Variants in KANSL1L observed in about 807,000 individuals in gnomAD.
The protein encoded by KANSL1L is KAT8 regulatory NSL complex subunit 1 like.
Under a neutral mutation model 108.6 loss-of-function variants are expected in KANSL1L, and 25 were observed. The observed-to-expected ratio is 0.23, with a 90% confidence interval of 0.17 to 0.32. The LOEUF (loss-of-function observed/expected upper bound fraction) is 0.32. KANSL1L is among the 10% of genes least tolerant of loss of function. The probability of loss-of-function intolerance (pLI) is 1.00; values close to 1 mark genes in which losing one functional copy is unlikely to be tolerated. For missense variants in KANSL1L, 1,137 were observed against 1,125.7 expected (o/e 1.01, Z -0.14); for synonymous variants, 405 against 395.1 (o/e 1.03, Z -0.30).
intron 5 of KANSL1L, among the ~76,000 whole-genome samples, chr2:210,084,626 CTTT>C (rs2094620759): frequency 6.6e-6 from 1 of 150,624 alleles, no homozygotes; most frequent in South Asian, 2.1e-4. Flanking sequence ...TTTTCTCTCT[CTTT>C]TTTGAGACAC....
intron 1 of KANSL1L, among the ~76,000 whole-genome samples, chr2:210,165,384 G>A (rs998931452): frequency 4.0e-5 from 6 of 151,826 alleles, no homozygotes; most frequent in Non-Finnish European, 8.8e-5. Flanking sequence ...ACACCAGAGA[G>A]AATTTCAGTA....
chr2:210,157,314 G>A (rs556808025), intron 1 of KANSL1L, among the ~76,000 whole-genome samples: 2 of 152,208 alleles, frequency 1.3e-5, no homozygotes, highest in South Asian at 2.1e-4. Context: ...CCAAACTAGC[G>A]AGCAGCAGAG....
intron 2 of KANSL1L, among the ~76,000 whole-genome samples, chr2:210,141,161 TCTGTTTTC>T (rs965938570): frequency 2.0e-4 from 17 of 83,302 alleles, no homozygotes; most frequent in African/African-American, 6.2e-4. Flanking sequence ...CCCACTCCTC[TCTGTTTTC>T]TTTCTTTTCT....
At chr2:210,085,880 G>C (rs1248975913) in intron 5 of KANSL1L, among the ~76,000 whole-genome samples, 2 of 149,544 alleles carry the variant, frequency 1.3e-5, no homozygotes, top group African/African-American at 4.9e-5. Flanking sequence ...AGTTATAAAG[G>C]AAAAAGTAAA....
intron 2 of KANSL1L, among the ~76,000 whole-genome samples, chr2:210,140,709 A>G (rs547463655): frequency 6.6e-6 from 1 of 152,296 alleles, no homozygotes; most frequent in East Asian, 1.9e-4. Context: ...GAATTTTGAT[A>G]ACAATGATAT....
chr2:210,079,646 A>G (rs376786998), intron 5 of KANSL1L, among the ~76,000 whole-genome samples: 504 of 13,086 alleles, frequency 0.039, 53 homozygotes, highest in African/African-American at 0.085. Flanking sequence ...ATATATATAT[A>G]TATATATATA....
intron 6 of KANSL1L, among the ~76,000 whole-genome samples, chr2:210,068,124 C>T (rs1370959623): frequency 6.6e-6 from 1 of 152,186 alleles, no homozygotes; most frequent in Non-Finnish European, 1.5e-5. Flanking sequence ...GATCCATCTG[C>T]CTCAGACTCC....
intron 2 of KANSL1L, among the ~76,000 whole-genome samples, chr2:210,134,526 G>C (rs753421039): frequency 2.0e-5 from 3 of 152,050 alleles, no homozygotes; most frequent in Non-Finnish European, 4.4e-5. Flanking sequence ...CTTAAAGAGT[G>C]ATGAATTCTG....
In KANSL1L at chr2:210,073,533, A is replaced by C. The variant is rs1157434214; in HGVS notation, c.1755+2019T>G. ...CAACATAGCGAGATGTCTAAAAAAA[A>C]AAATGGAAAAGAAAAAAAAAACTCA... On this transcript the variant is annotated intron_variant, in intron 6 of 14. Coordinates refer to ENST00000281772, the MANE Select transcript of KANSL1L (RefSeq NM_152519.4). Among the ~76,000 whole-genome samples the C allele has an allele frequency of 2.0e-5, 3 of 152,082 alleles. No individual in the cohort carries two copies. The East Asian group carries it at 5.8e-4, about 29-fold the overall frequency.
At chr2:210,074,233 C>G (rs2094527130) in intron 6 of KANSL1L, among the ~76,000 whole-genome samples, 1 of 152,138 alleles carries the variant, frequency 6.6e-6, no homozygotes, top group Non-Finnish European at 1.5e-5. Context: ...CAATTATTCA[C>G]TTAAAATCCT....
At chr2:210,128,514 A>C (rs2095089960) in intron 3 of KANSL1L, among the ~76,000 whole-genome samples, 1 of 152,218 alleles carries the variant, frequency 6.6e-6, no homozygotes, top group Non-Finnish European at 1.5e-5. Flanking sequence ...AAAGACAAAA[A>C]CTTATGATTC....
intron 2 of KANSL1L, among the ~76,000 whole-genome samples, chr2:210,131,709 C>CTTTTTTTTTTTTT (rs749224357): frequency 7.2e-6 from 1 of 139,364 alleles, no homozygotes; most frequent in African/African-American, 2.6e-5. Flanking sequence ...AATAAATTTT[C>CTTTTTTTTTTTTT]TTTTTTTTTT....
At chr2:210,094,631 G>A (rs1048873688) in intron 5 of KANSL1L, among the ~76,000 whole-genome samples, 4 of 151,832 alleles carry the variant, frequency 2.6e-5, no homozygotes, top group Admixed American at 6.5e-5. Context: ...TTGTATCTCC[G>A]ATTAATTTTA....
At chr2:210,166,785 G>C (rs541405856) in intron 1 of KANSL1L, among the ~76,000 whole-genome samples, 1 of 152,170 alleles carries the variant, frequency 6.6e-6, no homozygotes, top group East Asian at 1.9e-4. Flanking sequence ...ACAGTATTTT[G>C]AGAGAGGGGA....
chr2:210,075,797 AAAC>A, intron 5 of KANSL1L, 41 bp from the exon 6 acceptor site: 2 of 1,369,680 alleles, frequency 1.5e-6, no homozygotes, highest in South Asian at 2.5e-5. Flanking sequence ...GAAGGGAATA[AAAC>A]AAAACAAAAC....
At chr2:210,094,038 T>C (rs2094715099) in intron 5 of KANSL1L, among the ~76,000 whole-genome samples, 1 of 152,124 alleles carries the variant, frequency 6.6e-6, no homozygotes, top group Non-Finnish European at 1.5e-5. Context: ...AAAGTGGTAG[T>C]GGCCAGGAGC....
chr2:210,039,322 A>G (rs1220346839), intron 8 of KANSL1L, among the ~76,000 whole-genome samples: 1 of 151,882 alleles, frequency 6.6e-6, no homozygotes, highest in Non-Finnish European at 1.5e-5. Context: ...TTCTCACTGA[A>G]CTTTTGAAGT....
rs775779191 is a variant in KANSL1L, at chr2:210,153,444, T to C, written c.1088+51A>G. The C allele has an allele frequency of 1.4e-5, 19 of 1,366,818 alleles. No homozygotes were observed. The Admixed American group carries it at 1.9e-4, about 14-fold the overall frequency. The allele number at this position is 1,366,818 out of a possible 1,614,324, so 84.7% of individuals were successfully genotyped here. ...TCAACATACCTGGAAACTAAGATAA[T>C]TGCTGCTATATATGGAACAGAAAAT... On this transcript the variant is annotated intron_variant, in intron 2 of 14. Transcript: ENST00000281772.
Position 210,022,029 on chromosome 2 carries a change from C to CTGAT in KANSL1L, c.*916_*919dup, listed in dbSNP as rs772963059. 5.6e-5 allele frequency: 8 copies of CTGAT among 141,842 alleles called. No homozygotes were observed. Among genetic ancestry groups the CTGAT allele is most frequent in the South Asian group, 2.2e-4 (1 of 4,586 alleles). 8.8% of individuals were successfully genotyped at this position (141,842 alleles called of 1,614,324 possible). A position where few individuals can be genotyped will look rare whatever the true frequency, so the allele number is the denominator to read the frequency against. On this transcript the variant is annotated 3_prime_UTR_variant, in exon 15 of 15. Coordinates refer to ENST00000281772, the MANE Select transcript of KANSL1L (RefSeq NM_152519.4). ...TTTTTTTTTTTTTTCAAATTTTATA[C>CTGAT]TGATAGGGCTTTACTGTTTGTGGCT...
Sources: allele counts gnomAD v4.1 joint callset (sites outside exome capture counted in the v4.1 genomes callset), GRCh38; gene constraint gnomAD v4.1.1; transcripts MANE v1.5; gene names NCBI Gene and HGNC (gene_info 2026-07-23, HGNC 2026-07-21).